Variants in COL21A1 observed in about 807,000 individuals in gnomAD.
COL21A1 encodes the protein collagen alpha-1(XXI) chain.
A neutral mutation model predicts 137.9 loss-of-function variants in COL21A1; 149 were observed. That is an observed-to-expected ratio of 1.08 (90% CI 0.95 to 1.24). The LOEUF (loss-of-function observed/expected upper bound fraction) is 1.24, where lower values mean the gene tolerates loss of function less well. Ranked by LOEUF, COL21A1 falls within the 50% of genes most tolerant of loss-of-function variation. COL21A1 has a pLI of 0.00. For missense variants in COL21A1, 1,167 were observed against 1,158.4 expected (o/e 1.01, Z -0.11); for synonymous variants, 456 against 391.5 (o/e 1.16, Z -1.95).
chr6:56,218,408 A>G lies in COL21A1; in HGVS notation c.-39+28979T>C, dbSNP rs573606704. Reference sequence around the variant, plus strand: ...TTCCTAAAATCAAAAGGTGCTCTTTAACTGTATAGTAAAATCACCATATGG... The same window carrying G: ...TTCCTAAAATCAAAAGGTGCTCTTTGACTGTATAGTAAAATCACCATATGG... On this transcript the variant is annotated intron_variant, in intron 1 of 29. Transcript: ENST00000244728. Among the ~76,000 whole-genome samples the G allele has an allele frequency of 5.3e-5, 8 of 152,204 alleles. No homozygotes were observed. In the East Asian group the frequency reaches 1.5e-3, roughly 29 times the overall value.
At chr6:56,362,564 C>G (rs149971994) in intron 1 of COL21A1, among the ~76,000 whole-genome samples, 97 of 152,226 alleles carry the variant, frequency 6.4e-4, no homozygotes, top group South Asian at 2.7e-3. Context: ...TTAAGAAACG[C>G]TGATTTTGGC....
chr6:56,296,607 A>G (rs1582763043), intron 1 of COL21A1, among the ~76,000 whole-genome samples: 1 of 152,008 alleles, frequency 6.6e-6, no homozygotes, highest in Non-Finnish European at 1.5e-5. Flanking sequence ...TAACATATAC[A>G]CTGTATGTTA....
At chr6:56,134,322 C>T (rs1424774591) in intron 12 of COL21A1, among the ~76,000 whole-genome samples, 1 of 152,148 alleles carries the variant, frequency 6.6e-6, no homozygotes, top group African/African-American at 2.4e-5. Context: ...TGCATAGGGC[C>T]TTTACCCCCT....
intron 1 of COL21A1, among the ~76,000 whole-genome samples, chr6:56,314,383 T>C (rs1376146689): frequency 6.6e-6 from 1 of 152,242 alleles, no homozygotes; most frequent in Non-Finnish European, 1.5e-5. Context: ...CTGTTGGAGA[T>C]GTCACACTTT....
intron 1 of COL21A1, among the ~76,000 whole-genome samples, chr6:56,365,307 C>G (rs1390270361): frequency 3.3e-5 from 5 of 152,136 alleles, no homozygotes; most frequent in African/African-American, 1.2e-4. Flanking sequence ...GGATTATTTC[C>G]TAAACTGAGG....
chr6:56,096,138 T>C (rs12214559), intron 17 of COL21A1, among the ~76,000 whole-genome samples: 23,075 of 133,644 alleles, frequency 0.17, 1,777 homozygotes, highest in Middle Eastern at 0.24. Context: ...TGGGCCACCA[T>C]GTCTGGCCTG....
chr6:56,066,823 CTA>C (rs1313142396), intron 23 of COL21A1, among the ~76,000 whole-genome samples: 1 of 151,662 alleles, frequency 6.6e-6, no homozygotes, highest in East Asian at 1.9e-4. Flanking sequence ...CTAGATTTCC[CTA>C]GCCTGTTATA....
At chr6:56,320,885 A>G (rs1764848485) in intron 1 of COL21A1, among the ~76,000 whole-genome samples, 1 of 152,118 alleles carries the variant, frequency 6.6e-6, no homozygotes, top group Non-Finnish European at 1.5e-5. Context: ...TATGACCAAT[A>G]TGTACTCATT....
chr6:56,224,876 A>G (rs1388576569), intron 1 of COL21A1, among the ~76,000 whole-genome samples: 8 of 152,082 alleles, frequency 5.3e-5, no homozygotes. Context: ...CTAGTGAACC[A>G]AATCACACCA....
intron 1 of COL21A1, chr6:56,225,964 T>G (rs898174197): frequency 6.6e-5 from 10 of 152,028 alleles, no homozygotes; most frequent in Non-Finnish European, 8.8e-5. Context: ...CTGTCTTCAT[T>G]GTGGTGTACA....
chr6:56,145,261 T>C (rs1326331813), intron 10 of COL21A1, among the ~76,000 whole-genome samples: 1 of 152,208 alleles, frequency 6.6e-6, no homozygotes, highest in Non-Finnish European at 1.5e-5. Context: ...GAATAATAAG[T>C]GCTTCTCACA....
At chr6:56,099,649 T>G (rs1254379751) in intron 17 of COL21A1, among the ~76,000 whole-genome samples, 2 of 151,560 alleles carry the variant, frequency 1.3e-5, no homozygotes, top group East Asian at 3.9e-4. Context: ...CTCTTTGTGT[T>G]TCTTATGCTC....
chr6:56,118,135 C>A (rs539009252), intron 16 of COL21A1, among the ~76,000 whole-genome samples: 1 of 21,136 alleles, frequency 4.7e-5, no homozygotes, highest in African/African-American at 1.9e-4. Context: ...ATCAATGAAA[C>A]AAAAAGTTGT....
Position 56,098,354 on chromosome 6 carries a change from TATATATATGA to T in COL21A1, c.1812+3108_1812+3117del, listed in dbSNP as rs1256817788. Among the ~76,000 whole-genome samples the T allele has an allele frequency of 7.9e-3, 350 of 44,426 alleles. 54 individuals are homozygous for T. The highest frequency in any genetic ancestry group is 0.036 in the African/African-American group (279 of 7,828). The allele number at this position is 44,426 out of a possible 152,430, so 29.1% of individuals were successfully genotyped here. A position where few individuals can be genotyped will look rare whatever the true frequency, so the allele number is the denominator to read the frequency against. On this transcript the variant is annotated intron_variant, in intron 17 of 29. Coordinates refer to ENST00000244728, the MANE Select transcript of COL21A1 (RefSeq NM_030820.4). ...ATAAACACATATGTAAATATATAAATATATATATGAATATATATAAATATATATAAATATA... is the reference window on the plus strand; with the variant it reads ...ATAAACACATATGTAAATATATAAATATATATATAAATATATATAAATATA...
At chr6:56,384,030 C>A (rs899756029) in intron 1 of COL21A1, among the ~76,000 whole-genome samples, 1 of 152,090 alleles carries the variant, frequency 6.6e-6, no homozygotes, top group Non-Finnish European at 1.5e-5. Flanking sequence ...TTCTTAGCCC[C>A]CTTCGCACTA....
chr6:56,283,828 C>T (rs188243632), intron 1 of COL21A1, among the ~76,000 whole-genome samples: 6 of 151,660 alleles, frequency 4.0e-5, no homozygotes, highest in Non-Finnish European at 8.8e-5. Flanking sequence ...GAAGGCATGG[C>T]AGAGATGAGG....
At position 56,164,803 on chromosome 6, in the gene COL21A1, T is replaced by G. The variant is rs759653839; in HGVS notation, c.1287+11A>C. On this transcript the variant is annotated intron_variant, in intron 8 of 29. Coordinates refer to ENST00000244728, the MANE Select transcript of COL21A1 (RefSeq NM_030820.4). ...TATTACCTTAAGGGGAACAATAGTA[T>G]CCAAGCCTACCTCTCCATTCTGAAA... The G allele has an allele frequency of 1.4e-5, 22 of 1,567,022 alleles. No homozygotes were observed. The highest frequency in any genetic ancestry group is 3.8e-5 in the Admixed American group (2 of 52,936).
At chr6:56,171,229 A>G (rs899684227) in intron 3 of COL21A1, 101 bp from the exon 4 acceptor site, 1 of 698,304 alleles carries the variant, frequency 1.4e-6, no homozygotes, top group Non-Finnish European at 2.3e-6. Context: ...TTCTATCATT[A>G]GAATTATAAA....
chr6:56,097,943 A>G (rs1305596711), intron 17 of COL21A1, among the ~76,000 whole-genome samples: 2 of 100,874 alleles, frequency 2.0e-5, no homozygotes, highest in Admixed American at 1.5e-4. Context: ...ATAAAAATAT[A>G]TATAAATATA....
Sources: gnomAD v4.1 joint callset for allele counts (sites outside exome capture counted in the v4.1 genomes callset) on GRCh38, gnomAD v4.1.1 for gene constraint, MANE v1.5 for transcripts, NCBI Gene and HGNC (gene_info 2026-07-23, HGNC 2026-07-21) for gene names.